Variants in GNB1 observed in about 807,000 individuals in gnomAD.
GNB1 encodes guanine nucleotide-binding protein G(I)/G(S)/G(T) subunit beta-1.
A neutral mutation model predicts 42.9 loss-of-function variants in GNB1; 2 were observed. That is an observed-to-expected ratio of 0.05 (90% CI 0.02 to 0.15). GNB1 has a LOEUF of 0.15. Among genes scored for constraint, GNB1 ranks in the 10% least tolerant of loss-of-function variants. The pLI, the probability that GNB1 is intolerant of heterozygous loss-of-function variation, is 1.00. For synonymous variants in GNB1, 183 were observed against 174.7 expected, an observed-to-expected ratio of 1.05 and a Z score of -0.38; for missense variants, 193 against 462.2, an observed-to-expected ratio of 0.42 and a Z score of 5.34.
At chr1:1,840,452 C>T (rs963592579) in intron 1 of GNB1, among the ~76,000 whole-genome samples, 1 of 152,222 alleles carries the variant, frequency 6.6e-6, no homozygotes, top group Non-Finnish European at 1.5e-5. Flanking sequence ...TGCTTGAACA[C>T]AGGAGGCGGA....
At chr1:1,833,541 G>T (rs1490263622) in intron 2 of GNB1, among the ~76,000 whole-genome samples, 1 of 152,172 alleles carries the variant, frequency 6.6e-6, no homozygotes, top group Non-Finnish European at 1.5e-5. Context: ...CAACACAACA[G>T]GCACTGTAGA....
intron 7 of GNB1, among the ~76,000 whole-genome samples, chr1:1,797,873 G>A (rs1052196571): frequency 1.3e-5 from 2 of 152,252 alleles, no homozygotes; most frequent in Admixed American, 6.5e-5. Flanking sequence ...CTGAAAGGCA[G>A]GCGGGCAAAT....
chr1:1,858,766 C>T (rs527718668), intron 1 of GNB1, among the ~76,000 whole-genome samples: 14 of 152,202 alleles, frequency 9.2e-5, no homozygotes, highest in Non-Finnish European at 1.9e-4. Flanking sequence ...GGAGCCACAG[C>T]TCGAGGGGGT....
At chr1:1,821,707 G>T (rs547741060) in intron 3 of GNB1, among the ~76,000 whole-genome samples, 1 of 152,256 alleles carries the variant, frequency 6.6e-6, no homozygotes, top group East Asian at 1.9e-4. Context: ...CCACCGCGGG[G>T]GCCATGACCT....
At chr1:1,798,478 C>T (rs112339912) in intron 7 of GNB1, among the ~76,000 whole-genome samples, 16 of 152,366 alleles carry the variant, frequency 1.1e-4, no homozygotes, top group Admixed American at 1.0e-3. Flanking sequence ...GGCTCTGTCA[C>T]TGACAGCTGT....
intron 1 of GNB1, among the ~76,000 whole-genome samples, chr1:1,848,540 G>A (rs1172291604): frequency 2.0e-5 from 3 of 151,992 alleles, no homozygotes; most frequent in Admixed American, 1.3e-4. Flanking sequence ...CTGAAAATGA[G>A]AAGGAAGACC....
chr1:1,865,703 T>G (rs895473057), intron 1 of GNB1, among the ~76,000 whole-genome samples: 1 of 152,202 alleles, frequency 6.6e-6, no homozygotes, highest in African/African-American at 2.4e-5. Context: ...GAGACTACAG[T>G]ACCTAAAAAG....
chr1:1,803,174 G>A (rs1393168415), intron 7 of GNB1, among the ~76,000 whole-genome samples: 2 of 152,194 alleles, frequency 1.3e-5, no homozygotes. Context: ...CAGCCAGAGA[G>A]GTAAAATATT....
intron 1 of GNB1, among the ~76,000 whole-genome samples, chr1:1,879,708 GAAAA>G (rs574427054): frequency 8.4e-6 from 1 of 118,496 alleles, no homozygotes. Flanking sequence ...CTGTCTCAGG[GAAAA>G]AAAAAAAAAA....
chr1:1,875,008 G>A (rs148164372), intron 1 of GNB1, among the ~76,000 whole-genome samples: 1,902 of 152,130 alleles, frequency 0.013, 16 homozygotes, highest in Middle Eastern at 0.044. Context: ...TACATCCCTC[G>A]CGTGTGCAGT....
intron 2 of GNB1, among the ~76,000 whole-genome samples, chr1:1,833,034 G>A (rs1330166960): frequency 1.3e-5 from 2 of 152,080 alleles, no homozygotes; most frequent in Non-Finnish European, 2.9e-5. Flanking sequence ...TCACCAAAGT[G>A]CACACATGTG....
At chr1:1,852,423 T>G (rs899960346) in intron 1 of GNB1, among the ~76,000 whole-genome samples, 1 of 151,936 alleles carries the variant, frequency 6.6e-6, no homozygotes, top group Non-Finnish European at 1.5e-5. Context: ...GTAGAGACGG[T>G]GTTTCACGAT....
At chr1:1,797,705 G>C (rs764220026) in intron 7 of GNB1, among the ~76,000 whole-genome samples, 1 of 152,222 alleles carries the variant, frequency 6.6e-6, no homozygotes. Flanking sequence ...CCAAAGTGCT[G>C]GGATTATAGG....
intron 1 of GNB1, among the ~76,000 whole-genome samples, chr1:1,870,802 G>C (rs1649205651): frequency 6.6e-6 from 1 of 152,096 alleles, no homozygotes; most frequent in Admixed American, 6.6e-5. Flanking sequence ...GCTGGGCGTG[G>C]TGGCACACAC....
chr1:1,888,382 A>G (rs79995011), intron 1 of GNB1, among the ~76,000 whole-genome samples: 1,728 of 149,796 alleles, frequency 0.012, 36 homozygotes, highest in African/African-American at 0.039. Flanking sequence ...AAAAAAAAAA[A>G]GGCGGGCGGG....
At chr1:1,847,895 C>T (rs577287209) in intron 1 of GNB1, among the ~76,000 whole-genome samples, 3 of 152,324 alleles carry the variant, frequency 2.0e-5, no homozygotes, top group African/African-American at 4.8e-5. Context: ...GATGTCAGTA[C>T]TTCCAACGTG....
rs1557925548 is a variant in GNB1, at chr1:1,848,356, G to GTAAA, written c.-95-9119_-95-9118insTTTA. Among the ~76,000 whole-genome samples the GTAAA allele has an allele frequency of 8.0e-4, 70 of 87,074 alleles. 1 individual carries two copies. The East Asian group carries it at 0.024, about 30-fold the overall frequency. The allele number at this position is 87,074 out of a possible 152,430, so 57.1% of individuals were successfully genotyped here. A position where few individuals can be genotyped will look rare whatever the true frequency, so the allele number is the denominator to read the frequency against. On this transcript the variant is annotated intron_variant, in intron 1 of 11. Coordinates refer to ENST00000378609, the MANE Select transcript of GNB1 (RefSeq NM_002074.5). ...ACTGAGCCATTGCACTCCAGCCCAG[G>GTAAA]CAAAAAAAAAAAAAAAAAGAAAAAG...
At chr1:1,805,339 A>C (rs563442228) in intron 6 of GNB1, among the ~76,000 whole-genome samples, 3 of 149,570 alleles carry the variant, frequency 2.0e-5, no homozygotes, top group African/African-American at 7.4e-5. Context: ...GGGCGCCTGT[A>C]ATCCCAGCTA....
intron 1 of GNB1, among the ~76,000 whole-genome samples, chr1:1,881,553 G>C (rs770954072): frequency 6.6e-6 from 1 of 151,844 alleles, no homozygotes; most frequent in African/African-American, 2.4e-5. Flanking sequence ...ACAGGTGTGC[G>C]CCACCAAGCC....
Sources: allele counts gnomAD v4.1 joint callset (sites outside exome capture counted in the v4.1 genomes callset), GRCh38; gene constraint gnomAD v4.1.1; transcripts MANE v1.5; gene names NCBI Gene and HGNC (gene_info 2026-07-23, HGNC 2026-07-21).